Variants in CKAP5 observed in about 807,000 individuals in gnomAD.
CKAP5 encodes cytoskeleton-associated protein 5.
In CKAP5, 27 loss-of-function variants were observed where a neutral mutation model predicts 232.8. The ratio of observed to expected loss-of-function variants is 0.12; its 90% CI spans 0.09 to 0.16. CKAP5 has a LOEUF of 0.16. CKAP5 is among the 10% of genes least tolerant of loss of function. The probability of loss-of-function intolerance (pLI) is 1.00; values close to 1 mark genes in which losing one functional copy is unlikely to be tolerated. For synonymous variants in CKAP5, 785 were observed against 841.1 expected (o/e 0.93, Z 1.16); for missense variants, 1,838 against 2,424.7 (o/e 0.76, Z 5.08).
chr11:46,813,805 C>T (rs540858271), intron 4 of CKAP5, among the ~76,000 whole-genome samples: 1 of 152,214 alleles, frequency 6.6e-6, no homozygotes, highest in South Asian at 2.1e-4. Context: ...AACCAGAGTA[C>T]ACAGCACTCC....
chr11:46,809,468 C>T lies in CKAP5; in HGVS notation c.796G>A (p.Asp266Asn). ...ACAGCTTCTAAAAGCTCATAAGCAT[C>T]TATTTGTGGCACCTCATCACCATCA... is the stretch of plus-strand genomic sequence containing the variant. ...GDDGDEVPQI[D>N]AYELLEAVEI... The change falls in exon 7 of 44, where the codon GAT (aspartate) becomes AAT (asparagine). Residue 266 changes from aspartate (D) to asparagine (N), a missense_variant. Physicochemically the swap from Asp to Asn is conservative, Grantham distance 23. Transcript: ENST00000529230. The T allele has an allele frequency of 6.2e-7, 1 of 1,613,526 alleles. No homozygotes were observed. Among genetic ancestry groups the T allele is most frequent in the Non-Finnish European group, 8.5e-7 (1 of 1,179,692 alleles).
chr11:46,766,887 A>G (rs969298036), intron 27 of CKAP5, among the ~76,000 whole-genome samples: 1 of 152,242 alleles, frequency 6.6e-6, no homozygotes, highest in African/African-American at 2.4e-5. Context: ...GGGACAAAAG[A>G]TATTTCCCTG....
At position 46,760,717 on chromosome 11, in the gene CKAP5, G is replaced by A. The variant is rs2065147392; in HGVS notation, c.4289C>T (p.Ala1430Val). The A allele has an allele frequency of 1.2e-6, 2 of 1,614,086 alleles. No individual in the cohort carries two copies. Among genetic ancestry groups the A allele is most frequent in the Non-Finnish European group, 1.7e-6 (2 of 1,180,026 alleles). ...IKRSAKRPSA[A>V]PIKQVEEKPQ... Reference sequence around the variant, plus strand: ...TTTCTCTTCCACCTGTTTTATTGGTGCAGCAGAGGGTCTCTTTGCTGACCG... The same window carrying A: ...TTTCTCTTCCACCTGTTTTATTGGTACAGCAGAGGGTCTCTTTGCTGACCG... The change falls in exon 33 of 44, where the codon GCA (alanine) becomes GTA (valine). Residue 1430 changes from alanine (A) to valine (V), a missense_variant. Ala to Val is a moderately conservative substitution (Grantham distance 64). Transcript: ENST00000529230.
intron 38 of CKAP5, among the ~76,000 whole-genome samples, chr11:46,752,233 C>T (rs1207292486): frequency 3.5e-5 from 5 of 141,094 alleles, no homozygotes; most frequent in African/African-American, 1.1e-4. Flanking sequence ...CACACACACA[C>T]GTGTATTATA....
chr11:46,812,255 C>T (rs1410851377), intron 4 of CKAP5, among the ~76,000 whole-genome samples: 1 of 151,852 alleles, frequency 6.6e-6, no homozygotes, highest in Non-Finnish European at 1.5e-5. Context: ...CGCTTGAACC[C>T]GGGAGGCAGA....
At chr11:46,812,532 A>G (rs1249703791) in intron 4 of CKAP5, among the ~76,000 whole-genome samples, 2 of 152,106 alleles carry the variant, frequency 1.3e-5, no homozygotes, top group Admixed American at 1.3e-4. Context: ...CCAAATTATT[A>G]TTTATCTATT....
intron 8 of CKAP5, among the ~76,000 whole-genome samples, chr11:46,805,157 C>T (rs1939125802): frequency 6.6e-6 from 1 of 152,038 alleles, no homozygotes; most frequent in Non-Finnish European, 1.5e-5. Context: ...ATCGCTTGAA[C>T]TCGGGAGATG....
At chr11:46,768,632 A>G (rs2065223721) in intron 26 of CKAP5, among the ~76,000 whole-genome samples, 1 of 151,650 alleles carries the variant, frequency 6.6e-6, no homozygotes, top group African/African-American at 2.4e-5. Context: ...CCCAGGCTGG[A>G]GTGCAGTGGT....
intron 24 of CKAP5, among the ~76,000 whole-genome samples, chr11:46,771,498 T>C (rs1208718361): frequency 6.6e-6 from 1 of 152,174 alleles, no homozygotes; most frequent in Non-Finnish European, 1.5e-5. Context: ...GCCAGTGGGA[T>C]TGGCTTTAGT....
Position 46,770,049 on chromosome 11 carries a change from T to C in CKAP5, c.3236A>G (p.Asn1079Ser). ...GGGTGGAGCAGGCTTGGCTGGCATG[T>C]TAACTTTGGCTTTCTCTAGCATGGC... ...VLAMLEKAKV[N>S]MPAKPAPPTK... is the part of the protein sequence containing the mutation. The change falls in exon 26 of 44, where the codon AAC becomes AGC. Residue 1079 changes from asparagine to serine, a missense_variant. By Grantham distance (46) the Asn-to-Ser change is conservative (BLOSUM62 1). Around this residue, in one of 6 missense-constraint regions of CKAP5, gnomAD observed 767 missense variants for 954.6 expected, o/e 0.80. Transcript: ENST00000529230. 6.2e-7 allele frequency: 1 copy of C among 1,614,154 alleles called. No individual in the cohort carries two copies. The highest frequency in any genetic ancestry group is 1.1e-5 in the South Asian group (1 of 91,082).
At chr11:46,816,154 T>A in intron 4 of CKAP5, 44 bp downstream of exon 4, 4 of 1,515,234 alleles carry the variant, frequency 2.6e-6, no homozygotes, top group Non-Finnish European at 3.7e-6. Flanking sequence ...CCAAAAAGGT[T>A]GGGGACTGCT....
intron 1 of CKAP5, among the ~76,000 whole-genome samples, chr11:46,841,128 G>A (rs1940042617): frequency 6.6e-6 from 1 of 152,154 alleles, no homozygotes; most frequent in South Asian, 2.1e-4. Context: ...AAATTAGATG[G>A]GTGTTGTGGT....
intron 13 of CKAP5, among the ~76,000 whole-genome samples, chr11:46,792,350 T>G (rs1348582101): frequency 1.3e-5 from 2 of 152,020 alleles, no homozygotes; most frequent in African/African-American, 4.8e-5. Flanking sequence ...GTCAGGAGTT[T>G]GAGACCAGGC....
chr11:46,797,814 T>A lies in CKAP5; in HGVS notation c.1329A>T (p.Ala443=), dbSNP rs533113903. Residue 443 remains alanine, a synonymous_variant, in exon 11 of 44, where the codon GCA becomes GCT. Coordinates refer to ENST00000529230, the MANE Select transcript of CKAP5 (RefSeq NM_001008938.4). Reference sequence around the variant, plus strand: ...CAAAGAGAGTCTGTACCTTAAGTAGTGCAGCACAAAAGGGCTTTAGCAAGC... The same window carrying A: ...CAAAGAGAGTCTGTACCTTAAGTAGAGCAGCACAAAAGGGCTTTAGCAAGC... ...PKSLLKPFCA[A]LLKHINDSAP... is the part of the protein sequence containing the mutation. 184 of 1,609,652 alleles carry A rather than the reference T, an allele frequency of 1.1e-4. 4 individuals are homozygous for A. The South Asian group carries it at 2.0e-3, about 18-fold the overall frequency.
At chr11:46,747,327 C>A (rs532060499) in intron 42 of CKAP5, among the ~76,000 whole-genome samples, 9 of 152,118 alleles carry the variant, frequency 5.9e-5, no homozygotes, top group Non-Finnish European at 8.8e-5. Context: ...GTTTTACTGG[C>A]CAGGCACAGT....
rs2065003474 is a variant in CKAP5, at chr11:46,743,947, C to T, written c.*76G>A. The T allele has an allele frequency of 6.3e-7, 1 of 1,585,764 alleles. No individual in the cohort carries two copies. Among genetic ancestry groups the T allele is most frequent in the African/African-American group, 1.3e-5 (1 of 74,312 alleles). ...AACCAGTTTGTATACACTAGGCCTG[C>T]TGAGGCCATTTTAAACTATGAGGAC... On this transcript the variant is annotated 3_prime_UTR_variant, in exon 44 of 44. Coordinates refer to ENST00000529230, the MANE Select transcript of CKAP5 (RefSeq NM_001008938.4).
At position 46,750,255 on chromosome 11, in the gene CKAP5, C is replaced by G. The variant is rs2065053463; in HGVS notation, c.5704+19G>C. 6.2e-7 allele frequency: 1 copy of G among 1,609,256 alleles called. No individual in the cohort carries two copies. Among genetic ancestry groups the G allele is most frequent in the East Asian group, 2.2e-5 (1 of 44,858 alleles). ...AGCTATTTTGAGCTTATTCCTGGAG[C>G]TATAACAGGAAACCATACCTGTTGA... On this transcript the variant is annotated intron_variant, in intron 42 of 43. Transcript: ENST00000529230.
intron 24 of CKAP5, among the ~76,000 whole-genome samples, chr11:46,771,708 T>C (rs1362920404): frequency 2.0e-5 from 3 of 152,260 alleles, no homozygotes; most frequent in African/African-American, 7.2e-5. Context: ...GTCCCAGTTT[T>C]TGGCTACTAT....
At chr11:46,798,287 G>T in intron 9 of CKAP5, 115 bp from the exon 10 acceptor site, 1 of 778,716 alleles carries the variant, frequency 1.3e-6, no homozygotes, top group Non-Finnish European at 2.1e-6. Flanking sequence ...AAAAAAGCCA[G>T]TCACAGGCTG....
Sources: allele counts gnomAD v4.1 joint callset (sites outside exome capture counted in the v4.1 genomes callset), GRCh38; gene constraint gnomAD v4.1.1; regional missense constraint gnomAD v4.1.1; transcripts MANE v1.5; gene names NCBI Gene and HGNC (gene_info 2026-07-23, HGNC 2026-07-21).